PTCD1: variants seen among roughly 807,000 people sequenced by gnomAD.
PTCD1 encodes pentatricopeptide repeat domain 1, also known as pentatricopeptide repeat-containing protein 1, mitochondrial.
PTCD1 carries 50 observed loss-of-function variants against 53.4 expected under a neutral mutation model. That is an observed-to-expected ratio of 0.94 (90% CI 0.75 to 1.19). The LOEUF is 1.19. PTCD1 is among the 50% of genes most tolerant of loss of function. The pLI is 0.00. For missense variants in PTCD1, 918 were observed against 904.8 expected (o/e 1.01, Z -0.19); for synonymous variants, 413 against 394.8 (o/e 1.05, Z -0.55).
chr7:99,419,796 G>A lies in PTCD1; in HGVS notation c.*171C>T. The A allele has an allele frequency of 8.8e-7, 1 of 1,133,652 alleles. No homozygotes were observed. Among genetic ancestry groups the A allele is most frequent in the Non-Finnish European group, 1.2e-6 (1 of 806,618 alleles). 70.2% of individuals were successfully genotyped at this position (1,133,652 alleles called of 1,614,324 possible). On this transcript the variant is annotated 3_prime_UTR_variant, in exon 8 of 8. Coordinates refer to ENST00000292478, the MANE Select transcript of PTCD1 (RefSeq NM_015545.4). ...GCTGGAGCTGCACTTGGACCTGCTGGGAGCACAGGCACCTTGGGCCTAGTG... is the reference window on the plus strand; with the variant it reads ...GCTGGAGCTGCACTTGGACCTGCTGAGAGCACAGGCACCTTGGGCCTAGTG...
rs768523375 is a variant in PTCD1, at chr7:99,419,377, C to G, written c.*590G>C. On this transcript the variant is annotated 3_prime_UTR_variant, in exon 8 of 8. Transcript: ENST00000292478. ...GGCGCAGTGGCATCGTCTCACTGTC[C>G]TCCTCCGTTGCAGGGCCGCATCATC... is the stretch of plus-strand genomic sequence containing the variant. 3.7e-6 allele frequency: 6 copies of G among 1,612,680 alleles called. No individual in the cohort carries two copies. The highest frequency in any genetic ancestry group is 2.7e-5 in the African/African-American group (2 of 74,906).
At position 99,419,496 on chromosome 7, in the gene PTCD1, C is replaced by T; in HGVS notation, c.*471G>A. 3 of 1,596,974 alleles carry T rather than the reference C, an allele frequency of 1.9e-6. No individual in the cohort carries two copies. In the East Asian group the frequency reaches 6.7e-5, roughly 36 times the overall value. ...CTTCGCAGGTTCCTGCCTGTCACGC[C>T]ACCCCCTTCCTGGGAGCAGCGAGCA... On this transcript the variant is annotated 3_prime_UTR_variant, in exon 8 of 8. Transcript: ENST00000292478.
chr7:99,431,583 A>C (rs186904034), intron 3 of PTCD1, among the ~76,000 whole-genome samples: 5 of 152,252 alleles, frequency 3.3e-5, no homozygotes, highest in Admixed American at 1.3e-4. Context: ...TAAAAATACA[A>C]ACAAAATGAG....
In PTCD1 at chr7:99,429,821, G is replaced by A; in HGVS notation, c.595-15C>T. ...CGCTTTTTCATCTGTGGAGATGGAA[G>A]AAGCTCAGTGGTGGCCCGGGATCAG... On this transcript the variant is annotated splice_polypyrimidine_tract_variant and intron_variant, in intron 3 of 7. Transcript: ENST00000292478. 1 of 1,613,690 alleles carries A rather than the reference G, an allele frequency of 6.2e-7. No individual in the cohort carries two copies. The highest frequency in any genetic ancestry group is 8.5e-7 in the Non-Finnish European group (1 of 1,179,984).
At chr7:99,428,795 G>T (rs1196520238) in intron 5 of PTCD1, among the ~76,000 whole-genome samples, 1 of 152,042 alleles carries the variant, frequency 6.6e-6, no homozygotes, top group Non-Finnish European at 1.5e-5. Context: ...AGTGCTAATG[G>T]GGGTGTGGGA....
chr7:99,429,947 C>G, intron 3 of PTCD1, 141 bp from the exon 4 acceptor site: 1 of 1,049,920 alleles, frequency 9.5e-7, no homozygotes. Context: ...GCCATGGACA[C>G]ATCAGAGCCC....
chr7:99,420,333 TC>T (rs999826517), intron 7 of PTCD1, among the ~76,000 whole-genome samples, 184 bp from the exon 8 acceptor site: 1 of 152,076 alleles, frequency 6.6e-6, no homozygotes, highest in African/African-American at 2.4e-5. Context: ...GAGAAACAGG[TC>T]CCCGCTGGGT....
chr7:99,420,178 A>G, intron 7 of PTCD1, 29 bp from the exon 8 acceptor site: 1 of 1,613,346 alleles, frequency 6.2e-7, no homozygotes, highest in Non-Finnish European at 8.5e-7. Flanking sequence ...GGCTAGAATC[A>G]CTCCTGTTAC....
In PTCD1 at chr7:99,419,612, C is replaced by T. The variant is rs1795707627; in HGVS notation, c.*355G>A. The T allele has an allele frequency of 2.3e-6, 2 of 853,122 alleles. No homozygotes were observed. The highest frequency in any genetic ancestry group is 3.6e-6 in the Non-Finnish European group (2 of 560,098). 52.8% of individuals were successfully genotyped at this position (853,122 alleles called of 1,614,324 possible). ...TTGTAAAAATAAAATCTTTAAATCT[C>T]TCGAGCCCCACGTCTCTTCTTTCAG... On this transcript the variant is annotated 3_prime_UTR_variant, in exon 8 of 8. Transcript: ENST00000292478.
intron 5 of PTCD1, among the ~76,000 whole-genome samples, chr7:99,427,417 C>T: frequency 6.7e-6 from 1 of 150,124 alleles, no homozygotes; most frequent in Non-Finnish European, 1.5e-5. Flanking sequence ...CTCTGCCCGG[C>T]CGCCCCTACT....
Position 99,417,470 on chromosome 7 carries a change from A to C in PTCD1, c.*2497T>G. The stretch of plus-strand genomic sequence containing the variant: ...TATTAAAGAAGGCTATGCAGACAAA[A>C]ACCTGATTGCAAAATGGAAAAAGCA... On this transcript the variant is annotated 3_prime_UTR_variant, in exon 8 of 8. Coordinates refer to ENST00000292478, the MANE Select transcript of PTCD1 (RefSeq NM_015545.4). 1 of 1,612,690 alleles carries C rather than the reference A, an allele frequency of 6.2e-7. No individual in the cohort carries two copies. The highest frequency in any genetic ancestry group is 8.5e-7 in the Non-Finnish European group (1 of 1,179,430).
intron 1 of PTCD1, among the ~76,000 whole-genome samples, chr7:99,438,067 C>T (rs1366937171): frequency 6.6e-6 from 1 of 152,156 alleles, no homozygotes; most frequent in African/African-American, 2.4e-5. Flanking sequence ...CTATACTTCA[C>T]ATAGAGAAAA....
chr7:99,423,411 C>T (rs1185355476), intron 7 of PTCD1, among the ~76,000 whole-genome samples: 2 of 152,090 alleles, frequency 1.3e-5, no homozygotes, highest in East Asian at 1.9e-4. Context: ...CAGGTCAGAG[C>T]GGCAGCCAGC....
intron 1 of PTCD1, among the ~76,000 whole-genome samples, chr7:99,436,211 G>C (rs1374573028): frequency 6.6e-6 from 1 of 152,084 alleles, no homozygotes; most frequent in Non-Finnish European, 1.5e-5. Context: ...CCAAAGCACT[G>C]GGATTACAGC....
chr7:99,431,758 AG>A (rs1216699270), intron 3 of PTCD1, among the ~76,000 whole-genome samples: 2 of 152,156 alleles, frequency 1.3e-5, no homozygotes, highest in Non-Finnish European at 2.9e-5. Flanking sequence ...AAAGGACTGT[AG>A]GAAAAAGAAA....
chr7:99,428,669 A>G (rs1277595268), intron 5 of PTCD1, among the ~76,000 whole-genome samples: 1 of 152,050 alleles, frequency 6.6e-6, no homozygotes, highest in East Asian at 1.9e-4. Flanking sequence ...TGAACCTGGG[A>G]GGCGGAGGTT....
chr7:99,435,849 C>T (rs1011264413), intron 1 of PTCD1, among the ~76,000 whole-genome samples: 3 of 151,134 alleles, frequency 2.0e-5, no homozygotes, highest in Non-Finnish European at 4.4e-5. Context: ...GTAGGAGAAT[C>T]GCTTGAACCC....
rs781654991 is a variant in PTCD1 at position 99,423,912 on chromosome 7, T to C, written c.1783A>G (p.Asn595Asp). The change falls in exon 7 of 8, where the codon AAC (asparagine) becomes GAC (aspartate). Residue 595 changes from asparagine to aspartate, a missense_variant. By Grantham distance (23) the Asn-to-Asp change is conservative (BLOSUM62 1). Coordinates refer to ENST00000292478, the MANE Select transcript of PTCD1 (RefSeq NM_015545.4). ...PNTHIYSALINAAIRKLNYTY... is the reference protein window; with the variant it reads ...PNTHIYSALIDAAIRKLNYTY... ...TAGTTCAGCTTCCTGATGGCCGCGT[T>C]GATGAGGGCACTGTAGATGTGAGTG... The C allele has an allele frequency of 3.1e-6, 5 of 1,614,020 alleles. No individual in the cohort carries two copies. The highest frequency in any genetic ancestry group is 4.2e-6 in the Non-Finnish European group (5 of 1,180,030).
chr7:99,428,402 C>G (rs1317079223), intron 5 of PTCD1, among the ~76,000 whole-genome samples: 7 of 54,956 alleles, frequency 1.3e-4, no homozygotes, highest in African/African-American at 4.3e-4. Context: ...GACTCCATCT[C>G]AAAAAAAAAA....
Sources: allele counts gnomAD v4.1 joint callset (sites outside exome capture counted in the v4.1 genomes callset), GRCh38; gene constraint gnomAD v4.1.1; transcripts MANE v1.5; gene names NCBI Gene and HGNC (gene_info 2026-07-23, HGNC 2026-07-21).